SNX29: variants seen among roughly 807,000 people sequenced by gnomAD.
The protein encoded by SNX29 is sorting nexin 29.
A neutral mutation model predicts 102.1 loss-of-function variants in SNX29; 78 were observed. The observed-to-expected ratio is 0.76, with a 90% confidence interval of 0.64 to 0.92. The LOEUF (loss-of-function observed/expected upper bound fraction) is 0.92, where lower values mean the gene tolerates loss of function less well. Ranked by LOEUF, SNX29 falls within the 40% of genes least tolerant of loss-of-function variation. The pLI is 0.00. For synonymous variants in SNX29, 580 were observed against 414.5 expected (o/e 1.40, Z -4.85); for missense variants, 1,280 against 1,061.7 (o/e 1.21, Z -2.86).
intron 4 of SNX29, among the ~76,000 whole-genome samples, chr16:12,028,756 A>G (rs1028503012): frequency 6.6e-6 from 1 of 151,022 alleles, no homozygotes; most frequent in African/African-American, 2.4e-5. Flanking sequence ...GTGATTTTTT[A>G]TTTTTTATTG....
intron 20 of SNX29, among the ~76,000 whole-genome samples, chr16:12,552,438 C>G (rs566872097): frequency 2.0e-5 from 3 of 152,302 alleles, no homozygotes; most frequent in Non-Finnish European, 2.9e-5. Context: ...GGCTCGAGAG[C>G]TGGAGTGAAA....
intron 16 of SNX29, among the ~76,000 whole-genome samples, chr16:12,397,615 A>G (rs911787288): frequency 6.6e-6 from 1 of 152,084 alleles, no homozygotes; most frequent in Non-Finnish European, 1.5e-5. Flanking sequence ...ATTTTAGCCA[A>G]TTTAGTTTCT....
At chr16:12,409,490 G>C (rs1485100520) in intron 18 of SNX29, among the ~76,000 whole-genome samples, 1 of 137,660 alleles carries the variant, frequency 7.3e-6, no homozygotes, top group African/African-American at 2.7e-5. Flanking sequence ...GTGAAGTGGC[G>C]CAATCTTGGT....
chr16:12,558,843 C>G (rs893787433), intron 20 of SNX29, among the ~76,000 whole-genome samples: 4 of 152,192 alleles, frequency 2.6e-5, no homozygotes, highest in East Asian at 1.9e-4. Flanking sequence ...CACCAAGAGC[C>G]ACAAGAGGGC....
At position 12,236,495 on chromosome 16, in the gene SNX29, C is replaced by T. The variant is rs142641219; in HGVS notation, c.1678+36812C>T. On this transcript the variant is annotated intron_variant, in intron 14 of 20. Coordinates refer to ENST00000566228, the MANE Select transcript of SNX29 (RefSeq NM_032167.5). ...GGTTGGTGCCTAGAAGCCCTTTTCCCACTACGTCTTCTCTGTTGCATGACT... is the reference window on the plus strand; with the variant it reads ...GGTTGGTGCCTAGAAGCCCTTTTCCTACTACGTCTTCTCTGTTGCATGACT... Among the ~76,000 whole-genome samples the T allele has an allele frequency of 2.8e-3, 421 of 152,314 alleles. 6 individuals carry two copies. Among genetic ancestry groups the T allele is most frequent in the African/African-American group, 9.6e-3 (401 of 41,572 alleles).
rs745828 is a variant in SNX29 at position 12,569,607 on chromosome 16, T to A, written c.*978T>A. On this transcript the variant is annotated 3_prime_UTR_variant, in exon 21 of 21. Coordinates refer to ENST00000566228, the MANE Select transcript of SNX29 (RefSeq NM_032167.5). The stretch of plus-strand genomic sequence containing the variant: ...TCCATCCCGTCTGCCCCCGACATTG[T>A]CCTTGATAACAGAACTCTGCATCCC... 137,130 of 229,418 alleles carry A rather than the reference T, an allele frequency of 0.6. 41,718 individuals carry two copies. The highest frequency in any genetic ancestry group is 0.68 in the African/African-American group (30,678 of 45,126). The allele number at this position is 229,418 out of a possible 1,614,324, so 14.2% of individuals were successfully genotyped here.
intron 16 of SNX29, among the ~76,000 whole-genome samples, chr16:12,386,382 T>G (rs935460599): frequency 4.6e-5 from 7 of 152,226 alleles, no homozygotes; most frequent in African/African-American, 1.7e-4. Flanking sequence ...GGAATTACCA[T>G]ATTCTTTCCA....
chr16:12,407,379 A>C (rs2084209444), intron 18 of SNX29, among the ~76,000 whole-genome samples: 1 of 151,714 alleles, frequency 6.6e-6, no homozygotes, highest in African/African-American at 2.4e-5. Flanking sequence ...GTTATGTCAC[A>C]GAATTCTATT....
At chr16:12,547,913 G>A (rs1330042016) in intron 20 of SNX29, among the ~76,000 whole-genome samples, 6 of 152,150 alleles carry the variant, frequency 3.9e-5, no homozygotes, top group East Asian at 1.9e-4. Context: ...GCTGCTCTTA[G>A]GGGTTCAGGG....
intron 19 of SNX29, among the ~76,000 whole-genome samples, chr16:12,482,753 G>T (rs1597553599): frequency 6.6e-6 from 1 of 152,204 alleles, no homozygotes; most frequent in Admixed American, 6.5e-5. Context: ...CTTCTAGCCT[G>T]AATGTCTATA....
intron 15 of SNX29, among the ~76,000 whole-genome samples, chr16:12,324,659 C>A (rs916375742): frequency 2.0e-4 from 31 of 152,070 alleles, no homozygotes; most frequent in Admixed American, 7.9e-4. Context: ...ATCCCCTTCC[C>A]CTCTCCTGCT....
chr16:12,093,949 A>T (rs1027876121), intron 11 of SNX29: 2 of 152,220 alleles, frequency 1.3e-5, no homozygotes, highest in Non-Finnish European at 2.9e-5. Context: ...TGGTAATTGC[A>T]CATAGTGTCT....
intron 13 of SNX29, among the ~76,000 whole-genome samples, chr16:12,173,345 G>A (rs901289902): frequency 9.9e-5 from 15 of 152,234 alleles, no homozygotes; most frequent in Non-Finnish European, 1.9e-4. Flanking sequence ...TTAGTTGGGT[G>A]TGACAAGAAT....
intron 16 of SNX29, among the ~76,000 whole-genome samples, chr16:12,362,212 G>C (rs112289591): frequency 6.6e-6 from 1 of 152,154 alleles, no homozygotes; most frequent in Admixed American, 6.5e-5. Context: ...ATAGTTTCCC[G>C]TTTTTGTTTT....
At chr16:12,301,019 G>C (rs570900650) in intron 15 of SNX29, among the ~76,000 whole-genome samples, 7 of 152,312 alleles carry the variant, frequency 4.6e-5, no homozygotes, top group African/African-American at 1.7e-4. Context: ...CTCCTGACTT[G>C]TGCGTCTGCG....
intron 20 of SNX29, among the ~76,000 whole-genome samples, chr16:12,537,657 C>T (rs986229473): frequency 3.9e-5 from 6 of 152,108 alleles, no homozygotes; most frequent in Admixed American, 1.3e-4. Flanking sequence ...AGTTGTTTGC[C>T]CTACTTCATG....
chr16:12,176,783 G>A (rs2076270401), intron 13 of SNX29, among the ~76,000 whole-genome samples: 1 of 152,096 alleles, frequency 6.6e-6, no homozygotes, highest in Non-Finnish European at 1.5e-5. Context: ...AAAGAGATTG[G>A]CTACATCTGA....
intron 3 of SNX29, among the ~76,000 whole-genome samples, chr16:12,025,354 C>A (rs150198600): frequency 6.8e-6 from 1 of 147,008 alleles, no homozygotes; most frequent in Non-Finnish European, 1.5e-5. Flanking sequence ...CTAACGTATG[C>A]ACATCTATAA....
chr16:12,545,020 G>A lies in SNX29; in HGVS notation c.2318+20179G>A, dbSNP rs183410179. 1.7e-3 allele frequency among the ~76,000 whole-genome samples: 258 copies of A among 152,258 alleles called. 1 individual carries two copies. Among genetic ancestry groups the A allele is most frequent in the African/African-American group, 5.2e-3 (216 of 41,538 alleles). ...GCACAGCTAGGAAGCAGCAGATGTCGGCTTCAGTAGCCAGGTCTGTGATGC... is the reference window on the plus strand; with the variant it reads ...GCACAGCTAGGAAGCAGCAGATGTCAGCTTCAGTAGCCAGGTCTGTGATGC... On this transcript the variant is annotated intron_variant, in intron 20 of 20. Transcript: ENST00000566228.
Sources: allele counts gnomAD v4.1 joint callset (sites outside exome capture counted in the v4.1 genomes callset), GRCh38; gene constraint gnomAD v4.1.1; transcripts MANE v1.5; gene names NCBI Gene and HGNC (gene_info 2026-07-23, HGNC 2026-07-21).